CACNA2D3: variants seen among roughly 807,000 people sequenced by gnomAD.
CACNA2D3 encodes the protein calcium voltage-gated channel auxiliary subunit alpha2delta 3, also known as voltage-dependent calcium channel subunit alpha-2/delta-3.
In CACNA2D3, 60 loss-of-function variants were observed where a neutral mutation model predicts 160.6. The ratio of observed to expected loss-of-function variants is 0.37; its 90% confidence interval spans 0.30 to 0.46. The LOEUF is 0.46. Among genes scored for constraint, CACNA2D3 ranks in the 20% least tolerant of loss-of-function variants. CACNA2D3 has a pLI of 1.00. For missense variants in CACNA2D3, 1,205 were observed against 1,365.0 expected (o/e 0.88, Z 1.85); for synonymous variants, 558 against 492.9 (o/e 1.13, Z -1.75).
intron 11 of CACNA2D3, among the ~76,000 whole-genome samples, chr3:54,651,200 C>T (rs1254690888): frequency 6.6e-6 from 1 of 152,096 alleles, no homozygotes; most frequent in Non-Finnish European, 1.5e-5. Context: ...GGCCTCCTGC[C>T]CCCAAGTACA....
chr3:54,842,652 G>C (rs1399873984), intron 16 of CACNA2D3, among the ~76,000 whole-genome samples: 1 of 148,454 alleles, frequency 6.7e-6, no homozygotes, highest in Non-Finnish European at 1.5e-5. Flanking sequence ...CCAGGCTGGA[G>C]TACCGTGGCA....
intron 17 of CACNA2D3, among the ~76,000 whole-genome samples, chr3:54,854,147 G>C (rs1186615647): frequency 2.6e-5 from 4 of 152,276 alleles, no homozygotes; most frequent in East Asian, 3.9e-4. Context: ...ATTAACAGAG[G>C]CTTAGTAAGT....
At chr3:54,244,815 G>A (rs184998695) in intron 2 of CACNA2D3, among the ~76,000 whole-genome samples, 93 of 152,266 alleles carry the variant, frequency 6.1e-4, no homozygotes, top group Middle Eastern at 3.4e-3. Flanking sequence ...TCTATACATA[G>A]GTTTAAACCA....
chr3:54,588,090 A>T (rs1385308976), intron 9 of CACNA2D3, among the ~76,000 whole-genome samples: 1 of 152,224 alleles, frequency 6.6e-6, no homozygotes, highest in Non-Finnish European at 1.5e-5. Context: ...AAACCCAATG[A>T]TGTATATAAA....
intron 2 of CACNA2D3, 26 bp downstream of exon 2, chr3:54,123,620 C>G (rs1559853737): frequency 6.3e-7 from 1 of 1,587,076 alleles, no homozygotes; most frequent in Non-Finnish European, 8.7e-7. Context: ...TGGCAGGAAG[C>G]GATGATTTTT....
In CACNA2D3 at chr3:54,449,742, T is replaced by G. The variant is rs1294380681; in HGVS notation, c.382-53750T>G. On this transcript the variant is annotated intron_variant, in intron 4 of 37. Transcript: ENST00000474759. ...CATGTAAGATGCCTCACTCCCCTTTTGCCTTCCACCATGATTGTAAGTTTC... is the reference window on the plus strand; with the variant it reads ...CATGTAAGATGCCTCACTCCCCTTTGGCCTTCCACCATGATTGTAAGTTTC... 5.3e-5 allele frequency among the ~76,000 whole-genome samples: 8 copies of G among 152,326 alleles called. No homozygotes were observed. The East Asian group carries it at 1.4e-3, about 26-fold the overall frequency.
intron 8 of CACNA2D3, among the ~76,000 whole-genome samples, chr3:54,571,430 C>T (rs1702494883): frequency 6.6e-6 from 1 of 151,616 alleles, no homozygotes; most frequent in Non-Finnish European, 1.5e-5. Context: ...AGGAGGAAGT[C>T]CATTCAGATG....
At chr3:54,482,751 G>C (rs568406924) in intron 4 of CACNA2D3, among the ~76,000 whole-genome samples, 211 of 152,176 alleles carry the variant, frequency 1.4e-3, no homozygotes, top group Non-Finnish European at 2.5e-3. Flanking sequence ...CCTTTCCAAC[G>C]AGTGACTCAG....
chr3:54,761,912 C>G (rs1183874106), intron 12 of CACNA2D3, among the ~76,000 whole-genome samples: 1 of 152,196 alleles, frequency 6.6e-6, no homozygotes, highest in Non-Finnish European at 1.5e-5. Context: ...TTCTGGACAA[C>G]AGCAGGGCTG....
In CACNA2D3 at chr3:54,995,928, C is replaced by CA. The variant is rs569632467; in HGVS notation, c.2690+8176dup. On this transcript the variant is annotated intron_variant, in intron 31 of 37. Coordinates refer to ENST00000474759, the MANE Select transcript of CACNA2D3 (RefSeq NM_018398.3). ...CTCTTCTCCTAGTCTTCCCTCCCCA[C>CA]AGCATGCCCAATGCGGTCCTGAACA... 3.3e-4 allele frequency among the ~76,000 whole-genome samples: 51 copies of CA among 152,334 alleles called. 1 individual carries two copies. In the South Asian group the frequency reaches 0.01, roughly 31 times the overall value.
intron 2 of CACNA2D3, among the ~76,000 whole-genome samples, chr3:54,252,048 T>C (rs1051787261): frequency 2.0e-5 from 3 of 151,812 alleles, no homozygotes; most frequent in Admixed American, 2.0e-4. Flanking sequence ...CAAGATACAC[T>C]GTGTAAAGTA....
chr3:54,205,184 T>C (rs1458272952), intron 2 of CACNA2D3, among the ~76,000 whole-genome samples: 5 of 152,134 alleles, frequency 3.3e-5, no homozygotes, highest in African/African-American at 7.2e-5. Context: ...ATCACAGATA[T>C]AAAAAGCAGC....
In CACNA2D3 at chr3:54,466,843, C is replaced by T. The variant is rs1340519427; in HGVS notation, c.382-36649C>T. ...GGACAGTTGGTTGGGATTTTGTAGG[C>T]AATCCAGTGTTGAAAGGTTTGCTTC... On this transcript the variant is annotated intron_variant, in intron 4 of 37. Transcript: ENST00000474759. 3.9e-5 allele frequency among the ~76,000 whole-genome samples: 6 copies of T among 152,086 alleles called. No individual in the cohort carries two copies. The South Asian group carries it at 1.2e-3, about 32-fold the overall frequency.
At chr3:54,329,820 G>A (rs181795670) in intron 3 of CACNA2D3, among the ~76,000 whole-genome samples, 106 of 152,200 alleles carry the variant, frequency 7.0e-4, no homozygotes, top group African/African-American at 2.5e-3. Flanking sequence ...CAAATTAAAG[G>A]GTTTCAGAAA....
intron 2 of CACNA2D3, among the ~76,000 whole-genome samples, chr3:54,258,219 C>T (rs899048673): frequency 6.6e-6 from 1 of 152,108 alleles, no homozygotes; most frequent in Non-Finnish European, 1.5e-5. Context: ...TTTATTATGG[C>T]ATTTCCAAGT....
intron 12 of CACNA2D3, among the ~76,000 whole-genome samples, chr3:54,762,515 G>C (rs186103649): frequency 3.8e-4 from 58 of 152,288 alleles, no homozygotes; most frequent in East Asian, 1.5e-3. Context: ...CAGGCCCCAG[G>C]GGGGGCAGGG....
At chr3:54,283,701 G>T (rs563423764) in intron 2 of CACNA2D3, among the ~76,000 whole-genome samples, 2 of 152,224 alleles carry the variant, frequency 1.3e-5, no homozygotes, top group South Asian at 4.2e-4. Context: ...CCCTTTGTCC[G>T]CTCAAAACCT....
chr3:54,383,179 A>G (rs1286791050), intron 3 of CACNA2D3, among the ~76,000 whole-genome samples: 1 of 152,184 alleles, frequency 6.6e-6, no homozygotes, highest in East Asian at 1.9e-4. Flanking sequence ...TTCTTAAATA[A>G]CATTTCTTTT....
intron 4 of CACNA2D3, among the ~76,000 whole-genome samples, chr3:54,474,894 C>T (rs1700802292): frequency 6.6e-6 from 1 of 152,136 alleles, no homozygotes; most frequent in South Asian, 2.1e-4. Flanking sequence ...AGATACTGGG[C>T]CGAAATAGCT....
Sources: allele counts gnomAD v4.1 joint callset (sites outside exome capture counted in the v4.1 genomes callset), GRCh38; gene constraint gnomAD v4.1.1; transcripts MANE v1.5; gene names NCBI Gene and HGNC (gene_info 2026-07-23, HGNC 2026-07-21).